CMTM4: variants seen among roughly 807,000 people sequenced by gnomAD.
CMTM4 encodes the protein CKLF-like MARVEL transmembrane domain-containing protein 4.
In CMTM4, 8 loss-of-function variants were observed where a neutral mutation model predicts 19.0. That is an observed-to-expected ratio of 0.42 (90% CI 0.25 to 0.76). CMTM4 has a LOEUF of 0.76. Ranked by LOEUF, CMTM4 falls within the 30% of genes least tolerant of loss-of-function variation. The pLI is 0.27. For missense variants in CMTM4, 228 were observed against 290.2 expected (o/e 0.79, Z 1.56); for synonymous variants, 106 against 121.1 (o/e 0.88, Z 0.82).
At chr16:66,685,994 C>T (rs2017023801) in intron 1 of CMTM4, among the ~76,000 whole-genome samples, 1 of 152,162 alleles carries the variant, frequency 6.6e-6, no homozygotes, top group African/African-American at 2.4e-5. Flanking sequence ...GTGGCTCATG[C>T]CTGTAATCCC....
At chr16:66,634,676 A>T (rs890100273) in intron 2 of CMTM4, among the ~76,000 whole-genome samples, 3 of 152,080 alleles carry the variant, frequency 2.0e-5, no homozygotes, top group African/African-American at 7.2e-5. Flanking sequence ...AGGTGAGATG[A>T]ACATTGCTGC....
intron 1 of CMTM4, among the ~76,000 whole-genome samples, chr16:66,673,095 TTG>T (rs2016743489): frequency 7.0e-6 from 1 of 142,428 alleles, no homozygotes; most frequent in Non-Finnish European, 1.5e-5. Flanking sequence ...TTTTTTTTTT[TTG>T]TATTTTTTAG....
At chr16:66,630,707 G>A (rs1051389825) in intron 2 of CMTM4, among the ~76,000 whole-genome samples, 3 of 152,118 alleles carry the variant, frequency 2.0e-5, no homozygotes, top group South Asian at 2.1e-4. Context: ...CCTCCCAGCC[G>A]CCAGCCTTGG....
chr16:66,599,788 A>G, the CMTM4 span, among the ~76,000 whole-genome samples: 1 of 152,152 alleles, frequency 6.6e-6, no homozygotes, highest in Non-Finnish European at 1.5e-5. Flanking sequence ...AGTGTCTTTT[A>G]CAGATTTTTT....
At chr16:66,654,863 T>C (rs899181508) in intron 1 of CMTM4, among the ~76,000 whole-genome samples, 2 of 152,228 alleles carry the variant, frequency 1.3e-5, no homozygotes, top group African/African-American at 4.8e-5. Flanking sequence ...TTCAGCTAAA[T>C]GGCAGCCACT....
At chr16:66,670,142 T>C (rs2016676069) in intron 1 of CMTM4, among the ~76,000 whole-genome samples, 1 of 152,118 alleles carries the variant, frequency 6.6e-6, no homozygotes, top group Admixed American at 6.5e-5. Context: ...ATCTTAGTTG[T>C]GTATTTAAAA....
At chr16:66,681,165 G>C (rs1387716989) in intron 1 of CMTM4, among the ~76,000 whole-genome samples, 1 of 152,002 alleles carries the variant, frequency 6.6e-6, no homozygotes, top group Middle Eastern at 3.2e-3. Context: ...TGAGGCAGAA[G>C]GATCACTTGA....
chr16:66,666,725 TAC>T (rs1256636429), intron 1 of CMTM4, among the ~76,000 whole-genome samples: 1 of 152,214 alleles, frequency 6.6e-6, no homozygotes, highest in East Asian at 1.9e-4. Context: ...ATTAGAATGT[TAC>T]AATGGCAGTC....
chr16:66,692,293 G>C (rs145641199), intron 1 of CMTM4, among the ~76,000 whole-genome samples: 156 of 152,202 alleles, frequency 1.0e-3, no homozygotes, highest in African/African-American at 3.6e-3. Flanking sequence ...TTTCACCATG[G>C]TGGCCAGGCT....
chr16:66,669,952 G>A (rs2016672522), intron 1 of CMTM4, among the ~76,000 whole-genome samples: 1 of 152,106 alleles, frequency 6.6e-6, no homozygotes, highest in Admixed American at 6.6e-5. Flanking sequence ...TTAACTATTT[G>A]TTTTAGATTC....
At chr16:66,653,408 G>C (rs2016346491) in intron 1 of CMTM4, among the ~76,000 whole-genome samples, 2 of 152,176 alleles carry the variant, frequency 1.3e-5, no homozygotes, top group African/African-American at 4.8e-5. Context: ...TCCAGAGAGA[G>C]AGGTCTTGGA....
intron 1 of CMTM4, among the ~76,000 whole-genome samples, chr16:66,636,836 G>A (rs1361459593): frequency 6.6e-6 from 1 of 152,176 alleles, no homozygotes; most frequent in Non-Finnish European, 1.5e-5. Flanking sequence ...AAATCAATCT[G>A]GTGTGATGTG....
intron 1 of CMTM4, among the ~76,000 whole-genome samples, chr16:66,651,177 A>C (rs1007064625): frequency 2.6e-5 from 4 of 152,170 alleles, no homozygotes; most frequent in Non-Finnish European, 5.9e-5. Context: ...CTCCTCTCTT[A>C]GCAACCAACA....
At chr16:66,645,325 A>G (rs1436338141) in intron 1 of CMTM4, among the ~76,000 whole-genome samples, 1 of 151,852 alleles carries the variant, frequency 6.6e-6, no homozygotes. Flanking sequence ...CACGCCTGCA[A>G]TCCCAGCACT....
Position 66,618,452 on chromosome 16 carries a change from T to C in CMTM4, c.*3606A>G. 1 of 985,466 alleles carries C rather than the reference T, an allele frequency of 1.0e-6. No individual in the cohort carries two copies. The highest frequency in any genetic ancestry group is 1.2e-6 in the Non-Finnish European group (1 of 829,944). The allele number at this position is 985,466 out of a possible 1,614,324, so 61.0% of individuals were successfully genotyped here. A position where few individuals can be genotyped will look rare whatever the true frequency, so the allele number is the denominator to read the frequency against. On this transcript the variant is annotated 3_prime_UTR_variant, in exon 4 of 4. Transcript: ENST00000394106. ...CATGCTCTATTCATCTCCTAGGTGC[T>C]AAGACCAACCCACAGAAAATCTGGC... is the stretch of plus-strand genomic sequence containing the variant.
At chr16:66,608,747 A>G in the CMTM4 span, among the ~76,000 whole-genome samples, 2,401 of 152,260 alleles carry the variant, frequency 0.016, 38 homozygotes, top group African/African-American at 0.038. The surrounding 1 kb of genome is among the most constrained non-coding windows in gnomAD (Gnocchi z 5.1). Context: ...CACCGGGCCT[A>G]CAGGAATGAG....
chr16:66,689,713 T>C (rs967327847), intron 1 of CMTM4, among the ~76,000 whole-genome samples: 1 of 152,204 alleles, frequency 6.6e-6, no homozygotes, highest in African/African-American at 2.4e-5. Flanking sequence ...GGCCTGTTAT[T>C]TTAAGTTATT....
At chr16:66,608,331 T>TCTG in the CMTM4 span, 1 of 1,614,228 alleles carries the variant, frequency 6.2e-7, no homozygotes, top group Non-Finnish European at 8.5e-7. This position sits in a 1 kb window ranked among gnomAD's most constrained non-coding sequence, Gnocchi z 5.1. Flanking sequence ...ATCACTTTTA[T>TCTG]CTGCTATGTG....
intron 1 of CMTM4, among the ~76,000 whole-genome samples, chr16:66,676,950 C>A (rs1215845921): frequency 6.6e-6 from 1 of 152,144 alleles, no homozygotes; most frequent in Non-Finnish European, 1.5e-5. Flanking sequence ...CCAATCAGAA[C>A]AGAGAAAAAC....
Sources: gnomAD v4.1 joint callset for allele counts (sites outside exome capture counted in the v4.1 genomes callset) on GRCh38, gnomAD v4.1.1 for gene constraint, Gnocchi (gnomAD v3.1) non-coding constraint, MANE v1.5 for transcripts, NCBI Gene and HGNC (gene_info 2026-07-23, HGNC 2026-07-21) for gene names.